MTA3: variants seen among roughly 807,000 people sequenced by gnomAD.
MTA3 encodes the protein metastasis associated 1 family member 3.
In MTA3, 34 loss-of-function variants were observed where a neutral mutation model predicts 83.5. That is an observed-to-expected ratio of 0.41 (90% CI 0.31 to 0.54). The LOEUF is 0.54. MTA3 is among the 20% of genes least tolerant of loss of function. The pLI, the probability that MTA3 is intolerant of heterozygous loss-of-function variation, is 0.33. For synonymous variants in MTA3, 303 were observed against 252.7 expected, an observed-to-expected ratio of 1.20 and a Z score of -1.89; for missense variants, 761 against 726.4, an observed-to-expected ratio of 1.05 and a Z score of -0.55.
intron 4 of MTA3, among the ~76,000 whole-genome samples, chr2:42,627,154 T>G (rs1686184397): frequency 6.6e-6 from 1 of 152,070 alleles, no homozygotes; most frequent in Non-Finnish European, 1.5e-5. Context: ...CGTGGCTCAT[T>G]GCAGCCTTGA....
intron 6 of MTA3, among the ~76,000 whole-genome samples, chr2:42,649,266 G>C (rs1205272757): frequency 6.6e-6 from 1 of 151,960 alleles, no homozygotes; most frequent in Non-Finnish European, 1.5e-5. Flanking sequence ...GTGTGGTGGC[G>C]GGTGCCTGTA....
chr2:42,582,280 G>T (rs759205417), intron 3 of MTA3, among the ~76,000 whole-genome samples: 15 of 152,000 alleles, frequency 9.9e-5, no homozygotes, highest in Non-Finnish European at 1.9e-4. Flanking sequence ...GGATGGTCTC[G>T]ATCTCCTGAC....
In MTA3 at chr2:42,646,616, G is replaced by C. The variant is rs973293251; in HGVS notation, c.499+2372G>C. Among the ~76,000 whole-genome samples, 11 of 152,296 alleles carry C rather than the reference G, an allele frequency of 7.2e-5. No individual in the cohort carries two copies. In the South Asian group the frequency reaches 2.3e-3, roughly 32 times the overall value. ...TAGTTATGGTGGATATAATATGCAA[G>C]AAAACTACAGTGAGCGTGGGCCCTG... On this transcript the variant is annotated intron_variant, in intron 6 of 16. Coordinates refer to ENST00000405094, the MANE Select transcript of MTA3 (RefSeq NM_001330442.2).
At position 42,704,338 on chromosome 2, in the gene MTA3, T is replaced by A. The variant is rs1190718820; in HGVS notation, c.1150+20T>A. Reference sequence around the variant, plus strand: ...GCTATGGTAAGTTTTCTCTAGCAGGTCAGTTAAGCATCGGGAACTGTTCTG... The same window carrying A: ...GCTATGGTAAGTTTTCTCTAGCAGGACAGTTAAGCATCGGGAACTGTTCTG... On this transcript the variant is annotated intron_variant, in intron 12 of 16. Transcript: ENST00000405094. 1 of 1,612,942 alleles carries A rather than the reference T, an allele frequency of 6.2e-7. No individual in the cohort carries two copies. Among genetic ancestry groups the A allele is most frequent in the Non-Finnish European group, 8.5e-7 (1 of 1,179,384 alleles).
At chr2:42,552,804 GC>G (rs1351272631) in intron 2 of MTA3, among the ~76,000 whole-genome samples, 6 of 151,840 alleles carry the variant, frequency 4.0e-5, no homozygotes, top group Non-Finnish European at 7.4e-5. Context: ...ACAAAAATTA[GC>G]CAGGTGTGGC....
intron 3 of MTA3, among the ~76,000 whole-genome samples, chr2:42,595,794 T>G (rs1056496332): frequency 2.6e-5 from 4 of 152,320 alleles, no homozygotes; most frequent in African/African-American, 9.6e-5. Context: ...TATGACTTAG[T>G]AATAAGTTAC....
intron 2 of MTA3, among the ~76,000 whole-genome samples, chr2:42,538,738 G>GAAAAGA (rs1442613840): frequency 7.1e-6 from 1 of 140,822 alleles, no homozygotes; most frequent in Non-Finnish European, 1.5e-5. Flanking sequence ...AAAAAGAAAA[G>GAAAAGA]AAAAGAAAAA....
intron 9 of MTA3, 40 bp from the exon 10 acceptor site, chr2:42,695,725 A>C: frequency 8.6e-7 from 1 of 1,162,748 alleles, no homozygotes; most frequent in Non-Finnish European, 1.2e-6. Flanking sequence ...ATTTTATTAT[A>C]TGTTAACATA....
At chr2:42,711,288 G>C (rs1036235634) in intron 14 of MTA3, among the ~76,000 whole-genome samples, 1 of 151,904 alleles carries the variant, frequency 6.6e-6, no homozygotes, top group African/African-American at 2.4e-5. Flanking sequence ...TCTTTGTTTT[G>C]ATTATTCTTC....
chr2:42,694,488 C>A (rs1365576341), intron 9 of MTA3, among the ~76,000 whole-genome samples: 1 of 152,152 alleles, frequency 6.6e-6, no homozygotes, highest in Non-Finnish European at 1.5e-5. Flanking sequence ...ATTCTCCCTC[C>A]CTACACAGGT....
At chr2:42,664,892 G>A (rs932766230) in intron 8 of MTA3, among the ~76,000 whole-genome samples, 1 of 152,078 alleles carries the variant, frequency 6.6e-6, no homozygotes, top group Admixed American at 6.6e-5. Context: ...CACCAATAAT[G>A]TATTGGGAGC....
At chr2:42,584,824 G>A (rs1558460382) in intron 3 of MTA3, among the ~76,000 whole-genome samples, 1 of 152,056 alleles carries the variant, frequency 6.6e-6, no homozygotes, top group Non-Finnish European at 1.5e-5. Flanking sequence ...CTGTGTTCGT[G>A]CCACACCCTG....
chr2:42,711,775 A>AGTGTGTGTGTGT (rs372997456), intron 14 of MTA3, among the ~76,000 whole-genome samples: 284 of 139,474 alleles, frequency 2.0e-3, no homozygotes, highest in African/African-American at 7.0e-3. Flanking sequence ...TGTATAGGAG[A>AGTGTGTGTGTGT]GAGAGAGAGT....
chr2:42,633,653 A>T (rs923494573), intron 4 of MTA3, among the ~76,000 whole-genome samples: 6 of 152,180 alleles, frequency 3.9e-5, no homozygotes, highest in African/African-American at 1.4e-4. Context: ...GCACTTTGGG[A>T]GGCCGAGGCG....
intron 3 of MTA3, among the ~76,000 whole-genome samples, chr2:42,591,287 A>T (rs896089965): frequency 2.0e-4 from 30 of 152,340 alleles, no homozygotes; most frequent in African/African-American, 7.0e-4. Context: ...ATGCAGTAGA[A>T]AGGATAAAAA....
chr2:42,752,353 G>A (rs1669938000), intron 16 of MTA3: 1 of 460,664 alleles, frequency 2.2e-6, no homozygotes. Context: ...GATGTGCCTG[G>A]GGCAGAGAAT....
intron 2 of MTA3, among the ~76,000 whole-genome samples, chr2:42,519,731 A>G (rs1675325946): frequency 6.6e-6 from 1 of 152,034 alleles, no homozygotes; most frequent in Non-Finnish European, 1.5e-5. Context: ...CGATACCTTC[A>G]TCTGTACAAA....
At chr2:42,554,228 C>T (rs1032284747) in intron 2 of MTA3, among the ~76,000 whole-genome samples, 2 of 151,934 alleles carry the variant, frequency 1.3e-5, no homozygotes, top group African/African-American at 4.8e-5. Flanking sequence ...AGCAAGACTC[C>T]GTCTCAAAAA....
chr2:42,536,775 C>T (rs1394027639), intron 2 of MTA3, among the ~76,000 whole-genome samples: 4 of 144,276 alleles, frequency 2.8e-5, no homozygotes, highest in East Asian at 2.2e-4. Context: ...AGGAGAATGG[C>T]GTGAACCCGG....
Sources: allele counts gnomAD v4.1 joint callset (sites outside exome capture counted in the v4.1 genomes callset), GRCh38; gene constraint gnomAD v4.1.1; transcripts MANE v1.5; gene names NCBI Gene and HGNC (gene_info 2026-07-23, HGNC 2026-07-21).